ZBTB20: variants seen among roughly 807,000 people sequenced by gnomAD.
ZBTB20 encodes zinc finger and BTB domain-containing protein 20.
Under a neutral mutation model 56.9 loss-of-function variants are expected in ZBTB20, and 9 were observed. The observed-to-expected ratio is 0.16, with a 90% confidence interval of 0.10 to 0.28. The LOEUF is 0.28. Ranked by LOEUF, ZBTB20 falls within the 10% of genes least tolerant of loss-of-function variation. The pLI is 1.00. For synonymous variants in ZBTB20, 417 were observed against 420.7 expected, an observed-to-expected ratio of 0.99 and a Z score of 0.11; for missense variants, 655 against 1,003.0, an observed-to-expected ratio of 0.65 and a Z score of 4.69.
chr3:114,857,857 C>T (rs889907803), intron 4 of ZBTB20, among the ~76,000 whole-genome samples: 3 of 152,172 alleles, frequency 2.0e-5, no homozygotes, highest in Non-Finnish European at 2.9e-5. Context: ...CTAAAGATAA[C>T]TTGTGCTTCT....
chr3:114,787,368 T>TATATATATATACAC (rs1433434685), intron 5 of ZBTB20, among the ~76,000 whole-genome samples: 1 of 106,326 alleles, frequency 9.4e-6, no homozygotes, highest in African/African-American at 4.5e-5. Flanking sequence ...TATATATATA[T>TATATATATATACAC]ACACACACAC....
chr3:114,356,659 G>A (rs961464280), intron 10 of ZBTB20, among the ~76,000 whole-genome samples: 5 of 152,170 alleles, frequency 3.3e-5, no homozygotes, highest in Non-Finnish European at 7.3e-5. Context: ...TGCCAAGTTA[G>A]TCACACTAGG....
intron 6 of ZBTB20, among the ~76,000 whole-genome samples, chr3:114,590,293 T>G (rs2055616391): frequency 6.6e-6 from 1 of 151,834 alleles, no homozygotes; most frequent in African/African-American, 2.4e-5. Context: ...CCGTCTCTAC[T>G]AAAAATACAA....
chr3:114,609,135 C>T (rs142821664), intron 6 of ZBTB20, among the ~76,000 whole-genome samples: 22 of 152,294 alleles, frequency 1.4e-4, no homozygotes, highest in African/African-American at 4.8e-4. Flanking sequence ...TAGAAAGGCA[C>T]AGTCAGAAAC....
intron 1 of ZBTB20, among the ~76,000 whole-genome samples, chr3:115,098,147 G>T (rs1320853827): frequency 6.6e-6 from 1 of 152,038 alleles, no homozygotes; most frequent in Admixed American, 6.6e-5. Context: ...TAAAAATATT[G>T]TATCTGAAAA....
Position 114,376,581 on chromosome 3 carries a change from G to A in ZBTB20, c.199+3636C>T, listed in dbSNP as rs552251190. ...GGAGGCCAAGGAAGGTGGATGGCAA[G>A]AGTTGGAAAAGGAAGAGCCCATTGG... On this transcript the variant is annotated intron_variant, in intron 10 of 11. Coordinates refer to ENST00000675478, the MANE Select transcript of ZBTB20 (RefSeq NM_001348800.3). Among the ~76,000 whole-genome samples the A allele has an allele frequency of 2.0e-5, 3 of 152,324 alleles. No individual in the cohort carries two copies. The East Asian group carries it at 5.8e-4, about 29-fold the overall frequency.
chr3:114,973,860 G>A (rs1173487873), intron 3 of ZBTB20, among the ~76,000 whole-genome samples: 1 of 152,060 alleles, frequency 6.6e-6, no homozygotes. Flanking sequence ...TAAACTTCTT[G>A]CCTGAAATTC....
intron 1 of ZBTB20, among the ~76,000 whole-genome samples, chr3:115,146,989 C>CGGGCGGGGCGGGGCG (rs547943376): frequency 5.4e-5 from 8 of 149,022 alleles, no homozygotes; most frequent in Non-Finnish European, 7.5e-5. Context: ...GGAGGGGGCG[C>CGGGCGGGGCGGGGCG]GGGCGGGGCG....
intron 1 of ZBTB20, among the ~76,000 whole-genome samples, chr3:115,135,993 T>C (rs772110918): frequency 1.3e-5 from 2 of 152,138 alleles, no homozygotes; most frequent in Non-Finnish European, 2.9e-5. Flanking sequence ...TCTATCCAGA[T>C]AGGAATCATA....
intron 2 of ZBTB20, among the ~76,000 whole-genome samples, chr3:114,976,011 G>A (rs950705678): frequency 6.6e-6 from 1 of 152,162 alleles, no homozygotes; most frequent in African/African-American, 2.4e-5. Context: ...TCTATTTACA[G>A]ATGAGAAATT....
intron 4 of ZBTB20, among the ~76,000 whole-genome samples, chr3:114,821,341 A>C (rs1305479472): frequency 6.6e-6 from 1 of 152,122 alleles, no homozygotes. Flanking sequence ...GAACCTTATG[A>C]CACAGTCCTC....
At chr3:114,546,393 T>C (rs1408212867) in intron 6 of ZBTB20, among the ~76,000 whole-genome samples, 1 of 152,144 alleles carries the variant, frequency 6.6e-6, no homozygotes, top group Non-Finnish European at 1.5e-5. Context: ...ATAGGTCCTT[T>C]GACTTTCTTT....
chr3:115,038,476 T>G (rs866734849), intron 2 of ZBTB20, among the ~76,000 whole-genome samples: 1 of 152,136 alleles, frequency 6.6e-6, no homozygotes, highest in African/African-American at 2.4e-5. Context: ...ATTAGTACAT[T>G]GATAAACATA....
At chr3:114,477,962 CCTCTCT>C (rs144916161) in intron 7 of ZBTB20, among the ~76,000 whole-genome samples, 2 of 111,890 alleles carry the variant, frequency 1.8e-5, no homozygotes, top group Non-Finnish European at 3.5e-5. Context: ...TCCCACCCTC[CCTCTCT>C]CTCTCTCTCT....
intron 5 of ZBTB20, chr3:114,792,068 G>A (rs1461352614): frequency 6.6e-6 from 1 of 152,096 alleles, no homozygotes; most frequent in East Asian, 1.9e-4. Context: ...CAATTCCCTA[G>A]AAATTTACTG....
intron 5 of ZBTB20, among the ~76,000 whole-genome samples, chr3:114,756,206 C>T (rs1004252745): frequency 3.9e-5 from 6 of 152,046 alleles, no homozygotes; most frequent in African/African-American, 9.7e-5. Context: ...TTGGTATTTA[C>T]ATCGCATGTA....
intron 6 of ZBTB20, among the ~76,000 whole-genome samples, chr3:114,596,809 A>G (rs2056350607): frequency 6.6e-6 from 1 of 152,192 alleles, no homozygotes; most frequent in Non-Finnish European, 1.5e-5. Context: ...ACATGAAAGC[A>G]TGTGGCATCT....
At chr3:114,413,772 A>G (rs2088228354) in intron 7 of ZBTB20, among the ~76,000 whole-genome samples, 1 of 152,154 alleles carries the variant, frequency 6.6e-6, no homozygotes, top group Non-Finnish European at 1.5e-5. Context: ...TCCATATTAC[A>G]GATGAGAGAA....
intron 5 of ZBTB20, among the ~76,000 whole-genome samples, chr3:114,715,410 T>G (rs2064403372): frequency 6.6e-6 from 1 of 152,182 alleles, no homozygotes; most frequent in Non-Finnish European, 1.5e-5. Context: ...TGCACGCTCC[T>G]TCACAGGAAA....
Sources: allele counts gnomAD v4.1 joint callset (sites outside exome capture counted in the v4.1 genomes callset), GRCh38; gene constraint gnomAD v4.1.1; transcripts MANE v1.5; gene names NCBI Gene and HGNC (gene_info 2026-07-23, HGNC 2026-07-21).